The following PLA2G5 variants were observed in gnomAD, a reference collection of about 807,000 sequenced individuals.
PLA2G5 encodes the protein Ca2+-dependent phospholipase A2.
In PLA2G5, 12 loss-of-function variants were observed where a neutral mutation model predicts 15.9. The observed-to-expected ratio is 0.76, with a 90% CI of 0.48 to 1.23. PLA2G5 has a LOEUF of 1.23. Ranked by LOEUF, PLA2G5 falls within the 50% of genes most tolerant of loss-of-function variation. The probability of loss-of-function intolerance (pLI) is 0.00; values close to 1 mark genes in which losing one functional copy is unlikely to be tolerated. For missense variants in PLA2G5, 169 were observed against 177.1 expected, an observed-to-expected ratio of 0.95 and a Z score of 0.26; for synonymous variants, 71 against 71.4, an observed-to-expected ratio of 0.99 and a Z score of 0.03.
At chr1:20,035,893 T>C (rs1404018763) in intron 1 of PLA2G5, among the ~76,000 whole-genome samples, 1 of 152,256 alleles carries the variant, frequency 6.6e-6, no homozygotes, top group African/African-American at 2.4e-5. Flanking sequence ...TGTTTGAAGA[T>C]TTAGAACTCC....
At chr1:20,086,697 AG>A (rs1395227023) in intron 3 of PLA2G5, among the ~76,000 whole-genome samples, 3 of 152,202 alleles carry the variant, frequency 2.0e-5, no homozygotes, top group African/African-American at 7.2e-5. Flanking sequence ...GGGTTGCAAG[AG>A]TGAGTGACCC....
Position 20,090,832 on chromosome 1 carries a change from G to T in PLA2G5, c.*140G>T. ...TCTCGAAGCTTGGCGGACCCCCAGG[G>T]CCACACTGTACCCTCCAGCGAGTCC... is the stretch of plus-strand genomic sequence containing the variant. On this transcript the variant is annotated 3_prime_UTR_variant, in exon 5 of 5. Transcript: ENST00000375108. The T allele has an allele frequency of 1.2e-6, 1 of 845,602 alleles. No homozygotes were observed. Among genetic ancestry groups the T allele is most frequent in the South Asian group, 1.6e-5 (1 of 63,804 alleles). The allele number at this position is 845,602 out of a possible 1,614,324, so 52.4% of individuals were successfully genotyped here.
chr1:20,046,112 G>A (rs1203749722), intron 1 of PLA2G5: 7 of 152,158 alleles, frequency 4.6e-5, no homozygotes, highest in Non-Finnish European at 8.8e-5. Flanking sequence ...GATGGTAGAG[G>A]ACAGTCTTCA....
chr1:20,089,898 A>G lies in PLA2G5; in HGVS notation c.292+3A>G, dbSNP rs753132053. ...CGCGTGGGGCGTGGTCACCTGCGGTAAGGCTGGGGCTTCCCGTTCGGGCCA... is the reference window on the plus strand; with the variant it reads ...CGCGTGGGGCGTGGTCACCTGCGGTGAGGCTGGGGCTTCCCGTTCGGGCCA... On this transcript the variant is annotated splice_donor_region_variant and intron_variant, in intron 4 of 4. Transcript: ENST00000375108. 2 of 1,608,158 alleles carry G rather than the reference A, an allele frequency of 1.2e-6. No homozygotes were observed. Among genetic ancestry groups the G allele is most frequent in the East Asian group, 2.2e-5 (1 of 44,748 alleles).
chr1:20,068,962 A>G, upstream of PLA2G5: 1 of 1,287,606 alleles, frequency 7.8e-7, no homozygotes, highest in Non-Finnish European at 1.0e-6. Context: ...GGAAGTTAGG[A>G]CAAAGAGGCC....
chr1:20,067,889 C>T (rs1199330570), upstream of PLA2G5, among the ~76,000 whole-genome samples: 1 of 152,136 alleles, frequency 6.6e-6, no homozygotes, highest in Admixed American at 6.5e-5. Flanking sequence ...GAGGCTGAGG[C>T]AGGCGGATCT....
At chr1:20,055,660 T>G (rs1002561638) in intron 1 of PLA2G5, among the ~76,000 whole-genome samples, 5 of 152,224 alleles carry the variant, frequency 3.3e-5, no homozygotes, top group Admixed American at 1.3e-4. Context: ...ATCCAACTTG[T>G]CCACCGACCC....
In PLA2G5 at chr1:20,091,499, C is replaced by T. The variant is rs534834120; in HGVS notation, c.*807C>T. On this transcript the variant is annotated 3_prime_UTR_variant, in exon 5 of 5. Transcript: ENST00000375108. ...TGTGGTCTTGGACCCGTTACTGAAC[C>T]TCTTTGACTTTCAGTCTCTTTGAGA... Among the ~76,000 whole-genome samples the T allele has an allele frequency of 4.9e-4, 75 of 152,312 alleles. No homozygotes were observed. The highest frequency in any genetic ancestry group is 1.7e-3 in the African/African-American group (72 of 41,560).
At chr1:20,090,462 C>T in intron 4 of PLA2G5, 106 bp from the exon 5 acceptor site, 1 of 1,138,618 alleles carries the variant, frequency 8.8e-7, no homozygotes, top group Middle Eastern at 2.4e-4. Flanking sequence ...AGCCATGCCT[C>T]TTCCATCAGG....
intron 1 of PLA2G5, among the ~76,000 whole-genome samples, chr1:20,074,781 G>T (rs1190468109): frequency 1.3e-5 from 2 of 152,358 alleles, no homozygotes; most frequent in East Asian, 3.9e-4. Context: ...GCGCGTCCGT[G>T]CCTGGTGGGT....
Position 20,084,848 on chromosome 1 carries a change from A to C in PLA2G5, c.18A>C (p.Pro6=), listed in dbSNP as rs763374630. 1.2e-6 allele frequency: 2 copies of C among 1,610,824 alleles called. No individual in the cohort carries two copies. The highest frequency in any genetic ancestry group is 1.7e-5 in the Admixed American group (1 of 59,962). The change falls in exon 2 of 5, where the codon CCA becomes CCC. Residue 6 remains proline, a synonymous_variant. Coordinates refer to ENST00000375108, the MANE Select transcript of PLA2G5 (RefSeq NM_000929.3). MKGLL[P]LAWFLACSVP... ...CCCCAGAGATGAAAGGCCTCCTCCC[A>C]CTGGCTTGGTTCCTGGCTTGTAGTA...
upstream of PLA2G5, chr1:20,068,735 G>A (rs192409040): frequency 7.4e-4 from 237 of 321,264 alleles, no homozygotes; most frequent in African/African-American, 4.8e-3. Context: ...ACAGGAGTGA[G>A]CCCCCACGCC....
At chr1:20,045,410 G>A (rs142100050) in intron 1 of PLA2G5, among the ~76,000 whole-genome samples, 36 of 152,236 alleles carry the variant, frequency 2.4e-4, no homozygotes, top group Admixed American at 1.0e-3. Flanking sequence ...TCAGGCAGGC[G>A]TCACCACAGT....
chr1:20,061,586 CA>C (rs35346493), intron 2 of PLA2G5, among the ~76,000 whole-genome samples: 834 of 67,738 alleles, frequency 0.012, 5 homozygotes, highest in South Asian at 0.041. Context: ...ACCCTGTCTC[CA>C]AAAAAAAAAA....
At chr1:20,090,476 A>T in intron 4 of PLA2G5, 92 bp from the exon 5 acceptor site, 1 of 1,335,828 alleles carries the variant, frequency 7.5e-7, no homozygotes, top group Non-Finnish European at 1.1e-6. Context: ...CATCAGGCTG[A>T]AAGCTCCTCG....
rs993559711 is a variant in PLA2G5 at position 20,070,479 on chromosome 1, G to A, written c.-11+14G>A. 3 of 985,226 alleles carry A rather than the reference G, an allele frequency of 3.0e-6. No individual in the cohort carries two copies. Among genetic ancestry groups the A allele is most frequent in the South Asian group, 4.7e-5 (1 of 21,276 alleles). 61.0% of individuals were successfully genotyped at this position (985,226 alleles called of 1,614,324 possible). A position where few individuals can be genotyped will look rare whatever the true frequency, so the allele number is the denominator to read the frequency against. ...CAGGCCAAAGAGGTTAGTTACTGAT[G>A]GGGGCTGCATAAATTGGGGGTTGTG... On this transcript the variant is annotated intron_variant, in intron 1 of 4. Coordinates refer to ENST00000375108, the MANE Select transcript of PLA2G5 (RefSeq NM_000929.3).
At chr1:20,047,355 A>G (rs75013293) in intron 1 of PLA2G5, among the ~76,000 whole-genome samples, 1 of 142,594 alleles carries the variant, frequency 7.0e-6, no homozygotes, top group Non-Finnish European at 1.6e-5. Context: ...TCCTTTTAGG[A>G]AAAAAAAAAA....
At chr1:20,067,691 CA>C (rs71010531), upstream of PLA2G5, among the ~76,000 whole-genome samples, 35,597 of 136,654 alleles carry the variant, frequency 0.26, 4,554 homozygotes, top group East Asian at 0.55. Context: ...CTGTCTCAAA[CA>C]AAAAAAAAAA....
At chr1:20,058,149 A>G (rs896020651) in intron 1 of PLA2G5, among the ~76,000 whole-genome samples, 4 of 152,178 alleles carry the variant, frequency 2.6e-5, no homozygotes. Context: ...TCCAGCTGTT[A>G]GAAGTGCTGT....
Sources: allele counts gnomAD v4.1 joint callset (sites outside exome capture counted in the v4.1 genomes callset), GRCh38; gene constraint gnomAD v4.1.1; transcripts MANE v1.5; gene names NCBI Gene and HGNC (gene_info 2026-07-23, HGNC 2026-07-21).